The following PDE7B variants were observed in gnomAD, a reference collection of about 807,000 sequenced individuals.
PDE7B encodes 3',5'-cyclic-AMP phosphodiesterase 7B.
Under a neutral mutation model 56.2 loss-of-function variants are expected in PDE7B, and 29 were observed. The observed-to-expected ratio is 0.52, with a 90% confidence interval of 0.38 to 0.70. PDE7B has a LOEUF of 0.70. Ranked by LOEUF, PDE7B falls within the 30% of genes least tolerant of loss-of-function variation. The probability of loss-of-function intolerance (pLI) is 0.00; values close to 1 mark genes in which losing one functional copy is unlikely to be tolerated. For missense variants in PDE7B, 490 were observed against 565.0 expected, an observed-to-expected ratio of 0.87 and a Z score of 1.35; for synonymous variants, 197 against 196.9, an observed-to-expected ratio of 1.00 and a Z score of 0.00.
intron 2 of PDE7B, chr6:136,044,013 C>G (rs1776456488): frequency 6.6e-6 from 1 of 152,054 alleles, no homozygotes; most frequent in African/African-American, 2.4e-5. Flanking sequence ...CAAGACAAAC[C>G]TCCCACAGCA....
Position 135,879,957 on chromosome 6 carries a change from A to G in PDE7B, c.21+27938A>G, listed in dbSNP as rs536464508. ...AAATTATGTATGTACATAATTATGC[A>G]AAACTATAAATATCTACCCCCAAAT... is the stretch of plus-strand genomic sequence containing the variant. On this transcript the variant is annotated intron_variant, in intron 1 of 12. Transcript: ENST00000308191. Among the ~76,000 whole-genome samples the G allele has an allele frequency of 3.9e-5, 6 of 152,318 alleles. 1 individual carries two copies. In the East Asian group the frequency reaches 1.2e-3, roughly 29 times the overall value.
intron 2 of PDE7B, among the ~76,000 whole-genome samples, chr6:136,084,944 C>T (rs140922864): frequency 2.0e-5 from 3 of 151,702 alleles, no homozygotes; most frequent in African/African-American, 7.2e-5. Context: ...TTTTTTTCTT[C>T]AAAACACCCA....
chr6:136,155,620 T>G lies in PDE7B; in HGVS notation c.580-7T>G. ...CCAATCAATCTCCCAATTTGTTTTT[T>G]TAACAGCTTGCCAGCTTCCTCACGC... On this transcript the variant is annotated splice_region_variant and splice_polypyrimidine_tract_variant and intron_variant, in intron 7 of 12. Coordinates refer to ENST00000308191, the MANE Select transcript of PDE7B (RefSeq NM_018945.4). 2 of 1,599,332 alleles carry G rather than the reference T, an allele frequency of 1.3e-6. No homozygotes were observed. Among genetic ancestry groups the G allele is most frequent in the Non-Finnish European group, 1.7e-6 (2 of 1,172,452 alleles).
At chr6:136,118,685 A>T (rs2128443103) in intron 3 of PDE7B, among the ~76,000 whole-genome samples, 1 of 152,348 alleles carries the variant, frequency 6.6e-6, no homozygotes, top group East Asian at 1.9e-4. Context: ...GAATTTTAAT[A>T]TTCAAAGGCA....
intron 3 of PDE7B, among the ~76,000 whole-genome samples, chr6:136,139,013 C>A (rs988999986): frequency 6.6e-6 from 1 of 151,976 alleles, no homozygotes; most frequent in African/African-American, 2.4e-5. Context: ...TACATGTGCA[C>A]GATGTGCAGG....
chr6:136,184,090 TCAA>T (rs1328046929), intron 11 of PDE7B, among the ~76,000 whole-genome samples: 1 of 152,226 alleles, frequency 6.6e-6, no homozygotes, highest in Non-Finnish European at 1.5e-5. Context: ...TGTCTAATCC[TCAA>T]CAAAACTGAT....
Position 136,065,296 on chromosome 6 carries a change from T to G in PDE7B, c.83-43435T>G, listed in dbSNP as rs867876139. ...GACGTTTGCTTCACAAAACCACCTTTGAGGCTAAATCACAGGGCTAGAATA... is the reference window on the plus strand; with the variant it reads ...GACGTTTGCTTCACAAAACCACCTTGGAGGCTAAATCACAGGGCTAGAATA... On this transcript the variant is annotated intron_variant, in intron 2 of 12. Transcript: ENST00000308191. Among the ~76,000 whole-genome samples the G allele has an allele frequency of 3.9e-5, 6 of 152,328 alleles. No homozygotes were observed. The Middle Eastern group carries it at 0.01, about 259-fold the overall frequency.
Position 136,188,683 on chromosome 6 carries a change from T to G in PDE7B, c.1126+1567T>G, listed in dbSNP as rs557566297. ...AGACCTGATTTCAGAGATTCTGTCCTGTTGTTGTCATGAGAACACACTTAT... is the reference window on the plus strand; with the variant it reads ...AGACCTGATTTCAGAGATTCTGTCCGGTTGTTGTCATGAGAACACACTTAT... On this transcript the variant is annotated intron_variant, in intron 12 of 12. Transcript: ENST00000308191. 2.0e-5 allele frequency among the ~76,000 whole-genome samples: 3 copies of G among 152,336 alleles called. No homozygotes were observed. The South Asian group carries it at 6.2e-4, about 32-fold the overall frequency.
chr6:136,075,638 A>G (rs1255906535), intron 2 of PDE7B, among the ~76,000 whole-genome samples: 14 of 152,170 alleles, frequency 9.2e-5, no homozygotes, highest in Non-Finnish European at 2.1e-4. Context: ...GAGTGCCTTC[A>G]ATGCATACTG....
At chr6:136,141,483 A>G (rs1778325264) in intron 3 of PDE7B, among the ~76,000 whole-genome samples, 2 of 152,182 alleles carry the variant, frequency 1.3e-5, no homozygotes, top group Non-Finnish European at 2.9e-5. Context: ...GGCCTCATAA[A>G]ATGAGTTAGG....
At chr6:135,991,315 C>T (rs368967190) in intron 2 of PDE7B, among the ~76,000 whole-genome samples, 2 of 152,262 alleles carry the variant, frequency 1.3e-5, no homozygotes, top group African/African-American at 2.4e-5. Context: ...GTTCAAATGC[C>T]TCTGACAGTA....
intron 1 of PDE7B, among the ~76,000 whole-genome samples, chr6:135,895,606 C>T (rs1775887272): frequency 6.6e-6 from 1 of 152,112 alleles, no homozygotes; most frequent in African/African-American, 2.4e-5. Flanking sequence ...ATTAAATGTG[C>T]TTGCAGGCAA....
intron 2 of PDE7B, among the ~76,000 whole-genome samples, chr6:135,997,781 G>T (rs1323971446): frequency 6.6e-6 from 1 of 152,104 alleles, no homozygotes; most frequent in Non-Finnish European, 1.5e-5. Flanking sequence ...TGGTATAAAT[G>T]ATACAATATC....
intron 2 of PDE7B, among the ~76,000 whole-genome samples, chr6:135,962,169 T>C (rs557504091): frequency 2.2e-4 from 33 of 152,192 alleles, no homozygotes; most frequent in Non-Finnish European, 3.2e-4. Flanking sequence ...ACTTAAAAAA[T>C]AATAGTTAAG....
chr6:136,048,078 G>A (rs191228417), intron 2 of PDE7B, among the ~76,000 whole-genome samples: 1 of 144,252 alleles, frequency 6.9e-6, no homozygotes, highest in South Asian at 2.4e-4. Flanking sequence ...ATGGGTGGAT[G>A]GATAGATAGA....
intron 3 of PDE7B, among the ~76,000 whole-genome samples, chr6:136,145,399 A>T (rs934432306): frequency 3.9e-5 from 6 of 152,176 alleles, no homozygotes; most frequent in African/African-American, 1.4e-4. Flanking sequence ...AAGGTGCTAC[A>T]GTTCATCTGA....
intron 1 of PDE7B, among the ~76,000 whole-genome samples, chr6:135,861,106 C>T (rs550126615): frequency 3.3e-5 from 5 of 151,956 alleles, no homozygotes; most frequent in Admixed American, 6.6e-5. Flanking sequence ...TCTGAATACA[C>T]GGTATTTACC....
At chr6:136,016,433 C>A (rs1775978538) in intron 2 of PDE7B, among the ~76,000 whole-genome samples, 1 of 152,188 alleles carries the variant, frequency 6.6e-6, no homozygotes, top group Non-Finnish European at 1.5e-5. Flanking sequence ...TATATGAGTG[C>A]TAACTACGTA....
chr6:136,032,582 C>T (rs1776260597), intron 2 of PDE7B, among the ~76,000 whole-genome samples: 1 of 152,154 alleles, frequency 6.6e-6, no homozygotes, highest in Admixed American at 6.5e-5. Flanking sequence ...ACCCTATATC[C>T]AACAGCCCTG....
Sources: gnomAD v4.1 joint callset for allele counts (sites outside exome capture counted in the v4.1 genomes callset) on GRCh38, gnomAD v4.1.1 for gene constraint, MANE v1.5 for transcripts, NCBI Gene and HGNC (gene_info 2026-07-23, HGNC 2026-07-21) for gene names.